TANK: variants seen among roughly 807,000 people sequenced by gnomAD.
TANK encodes TRAF family member-associated NF-kappa-B activator.
TANK carries 15 observed loss-of-function variants against 43.6 expected under a neutral mutation model. The ratio of observed to expected loss-of-function variants is 0.34; its 90% CI spans 0.23 to 0.53. TANK has a LOEUF of 0.53. TANK is among the 20% of genes least tolerant of loss of function. The probability of loss-of-function intolerance (pLI) is 0.94; values close to 1 mark genes in which losing one functional copy is unlikely to be tolerated. For synonymous variants in TANK, 162 were observed against 178.2 expected (o/e 0.91, Z 0.73); for missense variants, 417 against 498.6 (o/e 0.84, Z 1.56).
At chr2:161,201,086 G>A in intron 2 of TANK, 8 of 984,490 alleles carry the variant, frequency 8.1e-6, no homozygotes, top group Non-Finnish European at 9.6e-6. Flanking sequence ...ATACAAGTAT[G>A]TGAAAAGTGT....
rs759803420 is a variant in TANK, at chr2:161,235,379, C to T, written c.1139C>T (p.Ser380Leu). 2.5e-5 allele frequency: 40 copies of T among 1,611,140 alleles called. No individual in the cohort carries two copies. Among genetic ancestry groups the T allele is most frequent in the Non-Finnish European group, 2.9e-5 (34 of 1,178,806 alleles). Residue 380 changes from serine (S) to leucine (L), a missense_variant, in exon 8 of 8, where the codon TCG becomes TTG. By Grantham distance (145) the Ser-to-Leu change is moderately radical. Coordinates refer to ENST00000392749, the MANE Select transcript of TANK (RefSeq NM_001199135.3). The part of the protein sequence containing the change: ...WKPFPNQDSD[S>L]VVLSGTDSEL... Reference sequence around the variant, plus strand: ...CCCTTTCCTAATCAAGACAGTGACTCGGTGGTACTAAGTGGCACAGACTCA... The same window carrying T: ...CCCTTTCCTAATCAAGACAGTGACTTGGTGGTACTAAGTGGCACAGACTCA...
intron 4 of TANK, among the ~76,000 whole-genome samples, chr2:161,206,568 T>G (rs1686663220): frequency 6.6e-6 from 1 of 152,148 alleles, no homozygotes; most frequent in South Asian, 2.1e-4. Flanking sequence ...TACCCCTTAG[T>G]ACATATATTT....
intron 1 of TANK, chr2:161,137,976 A>G: frequency 1.7e-6 from 1 of 595,516 alleles, no homozygotes; most frequent in Non-Finnish European, 2.1e-6. Context: ...CAAAAAAAAA[A>G]TAATAATAAT....
intron 6 of TANK, among the ~76,000 whole-genome samples, chr2:161,228,865 C>G (rs1380278287): frequency 6.6e-6 from 1 of 152,172 alleles, no homozygotes; most frequent in South Asian, 2.1e-4. Context: ...GTATTCAGTA[C>G]AGTAACATGT....
At chr2:161,224,396 A>C (rs911545514) in intron 5 of TANK, among the ~76,000 whole-genome samples, 1 of 152,138 alleles carries the variant, frequency 6.6e-6, no homozygotes, top group East Asian at 1.9e-4. Context: ...ATAAGTAGAT[A>C]TGCTAGACTA....
In TANK at chr2:161,178,190, C is replaced by T. The variant is rs1462628749; in HGVS notation, c.-49-1424C>T. 2.0e-5 allele frequency among the ~76,000 whole-genome samples: 3 copies of T among 152,062 alleles called. No individual in the cohort carries two copies. In the East Asian group the frequency reaches 5.8e-4, roughly 29 times the overall value. Reference sequence around the variant, plus strand: ...TATCTGAAAATATTGAAAACGTGTTCACACAAAAATGTATACACAAATGTG... The same window carrying T: ...TATCTGAAAATATTGAAAACGTGTTTACACAAAAATGTATACACAAATGTG... On this transcript the variant is annotated intron_variant, in intron 1 of 7. Coordinates refer to ENST00000392749, the MANE Select transcript of TANK (RefSeq NM_001199135.3).
chr2:161,191,825 ACT>A (rs1297067001), intron 2 of TANK, among the ~76,000 whole-genome samples: 1 of 151,716 alleles, frequency 6.6e-6, no homozygotes, highest in Non-Finnish European at 1.5e-5. Context: ...ATGGAATCTC[ACT>A]CTGTTGCCCA....
At chr2:161,138,552 C>G (rs2105205254) in intron 1 of TANK, among the ~76,000 whole-genome samples, 1 of 152,294 alleles carries the variant, frequency 6.6e-6, no homozygotes, top group Non-Finnish European at 1.5e-5. Flanking sequence ...TCTCTTCACT[C>G]CCTCCAGGAT....
At chr2:161,168,110 T>C (rs1378097437) in intron 1 of TANK, among the ~76,000 whole-genome samples, 1 of 152,176 alleles carries the variant, frequency 6.6e-6, no homozygotes, top group Non-Finnish European at 1.5e-5. Context: ...AGTAGGTAGC[T>C]TCAAGAGGGT....
upstream of TANK, among the ~76,000 whole-genome samples, chr2:161,156,795 C>A (rs146550173): frequency 4.6e-5 from 7 of 152,308 alleles, no homozygotes; most frequent in East Asian, 1.3e-3. Context: ...AGATTCCTTA[C>A]CTTTAATAGC....
intron 1 of TANK, among the ~76,000 whole-genome samples, chr2:161,178,782 G>T (rs183826419): frequency 6.6e-6 from 1 of 152,032 alleles, no homozygotes; most frequent in Non-Finnish European, 1.5e-5. Flanking sequence ...GAAATAACTC[G>T]GTACCCAATA....
chr2:161,228,460 G>T (rs770055772), intron 6 of TANK, among the ~76,000 whole-genome samples: 18 of 152,236 alleles, frequency 1.2e-4, no homozygotes, highest in Non-Finnish European at 5.9e-5. Context: ...GAACCTGGGA[G>T]GCAGAGGTTG....
At chr2:161,211,790 T>G in intron 4 of TANK, 1 of 985,454 alleles carries the variant, frequency 1.0e-6, no homozygotes, top group Non-Finnish European at 1.2e-6. Context: ...GGCTGGGGCT[T>G]AGAGAACTGG....
At chr2:161,182,622 T>G (rs1685480724) in intron 2 of TANK, among the ~76,000 whole-genome samples, 1 of 152,162 alleles carries the variant, frequency 6.6e-6, no homozygotes, top group Non-Finnish European at 1.5e-5. Flanking sequence ...GGATGAGTTC[T>G]TCATCTTTCT....
At chr2:161,224,471 C>A (rs1454164360) in intron 5 of TANK, among the ~76,000 whole-genome samples, 160 bp from the exon 6 acceptor site, 3 of 151,912 alleles carry the variant, frequency 2.0e-5, no homozygotes, top group African/African-American at 7.2e-5. Flanking sequence ...TCTACAAACA[C>A]AAGCTGATTT....
chr2:161,153,728 C>A (rs1684144872), intron 1 of TANK, among the ~76,000 whole-genome samples: 1 of 148,558 alleles, frequency 6.7e-6, no homozygotes, highest in East Asian at 2.0e-4. Flanking sequence ...GCATGTAGAA[C>A]CACCTACTAA....
At chr2:161,153,183 T>C (rs1684125526) in intron 1 of TANK, among the ~76,000 whole-genome samples, 1 of 152,096 alleles carries the variant, frequency 6.6e-6, no homozygotes, top group Admixed American at 6.5e-5. Context: ...GGTTCTGTTT[T>C]ATAATTTATA....
chr2:161,218,543 G>A (rs750404121), intron 4 of TANK, among the ~76,000 whole-genome samples: 72 of 152,136 alleles, frequency 4.7e-4, no homozygotes, highest in Non-Finnish European at 8.7e-4. Flanking sequence ...AAGATTTTGT[G>A]GCTTGCCAGG....
intron 4 of TANK, among the ~76,000 whole-genome samples, chr2:161,218,871 C>T (rs1328636308): frequency 6.6e-6 from 1 of 152,122 alleles, no homozygotes; most frequent in Admixed American, 6.5e-5. Flanking sequence ...TCAAACTCCT[C>T]CCTCTCAGCC....
Sources: gnomAD v4.1 joint callset for allele counts (sites outside exome capture counted in the v4.1 genomes callset) on GRCh38, gnomAD v4.1.1 for gene constraint, MANE v1.5 for transcripts, NCBI Gene and HGNC (gene_info 2026-07-23, HGNC 2026-07-21) for gene names.